The following ST6GALNAC3 variants were observed in gnomAD, a reference collection of about 807,000 sequenced individuals.
ST6GALNAC3 encodes ST6 N-acetylgalactosaminide alpha-2,6-sialyltransferase 3, also known as alpha-N-acetylgalactosaminide alpha-2,6-sialyltransferase 3.
In ST6GALNAC3, 25 loss-of-function variants were observed where a neutral mutation model predicts 32.7. The observed-to-expected ratio is 0.76, with a 90% CI of 0.56 to 1.07. The LOEUF is 1.07. ST6GALNAC3 is among the 50% of genes least tolerant of loss of function. The pLI is 0.00. For missense variants in ST6GALNAC3, 355 were observed against 382.4 expected (o/e 0.93, Z 0.60); for synonymous variants, 129 against 133.1 (o/e 0.97, Z 0.21).
At chr1:76,406,153 C>G (rs1653818920) in intron 2 of ST6GALNAC3, among the ~76,000 whole-genome samples, 1 of 152,018 alleles carries the variant, frequency 6.6e-6, no homozygotes, top group South Asian at 2.1e-4. Context: ...TGTCCTGGAT[C>G]CTCATAGAAG....
intron 3 of ST6GALNAC3, among the ~76,000 whole-genome samples, chr1:76,507,098 G>T (rs1433818941): frequency 1.3e-5 from 2 of 152,130 alleles, no homozygotes; most frequent in African/African-American, 4.8e-5. Context: ...TCGCTCAGGA[G>T]CTGCTGCTAG....
chr1:76,349,898 T>A (rs572362309), intron 2 of ST6GALNAC3, among the ~76,000 whole-genome samples: 2 of 152,292 alleles, frequency 1.3e-5, no homozygotes, highest in South Asian at 4.1e-4. Context: ...GGGTATTTGC[T>A]CCCCTATGCT....
At chr1:76,273,905 A>G (rs537965078) in intron 1 of ST6GALNAC3, among the ~76,000 whole-genome samples, 1 of 152,206 alleles carries the variant, frequency 6.6e-6, no homozygotes, top group African/African-American at 2.4e-5. Context: ...GCTTTATGGG[A>G]GTCTATTGTT....
intron 3 of ST6GALNAC3, among the ~76,000 whole-genome samples, chr1:76,604,010 TA>T (rs1647368589): frequency 2.0e-5 from 3 of 152,198 alleles, no homozygotes; most frequent in African/African-American, 7.2e-5. Context: ...ACATTTAGTT[TA>T]AATATATAAA....
At chr1:76,416,068 C>CACAT (rs1553194047) in intron 3 of ST6GALNAC3, among the ~76,000 whole-genome samples, 1 of 150,376 alleles carries the variant, frequency 6.6e-6, no homozygotes, top group Non-Finnish European at 1.5e-5. Context: ...CACACACACA[C>CACAT]ACACACATAA....
At chr1:76,338,100 G>A (rs1259332131) in intron 2 of ST6GALNAC3, among the ~76,000 whole-genome samples, 2 of 152,170 alleles carry the variant, frequency 1.3e-5, no homozygotes, top group African/African-American at 4.8e-5. Context: ...GCAGCATACT[G>A]AAAATGATGT....
At chr1:76,552,250 G>T (rs1265894828) in intron 3 of ST6GALNAC3, among the ~76,000 whole-genome samples, 8 of 152,124 alleles carry the variant, frequency 5.3e-5, no homozygotes, top group Admixed American at 2.0e-4. Flanking sequence ...TCACGGCTAG[G>T]ATTGCTGGAG....
At chr1:76,195,939 T>C (rs1321109492) in intron 1 of ST6GALNAC3, among the ~76,000 whole-genome samples, 1 of 152,214 alleles carries the variant, frequency 6.6e-6, no homozygotes, top group East Asian at 1.9e-4. Context: ...GAAAGGTTTT[T>C]GCAAGGAGTC....
At chr1:76,128,197 G>T (rs1306858575) in intron 1 of ST6GALNAC3, among the ~76,000 whole-genome samples, 1 of 152,102 alleles carries the variant, frequency 6.6e-6, no homozygotes, top group Non-Finnish European at 1.5e-5. Context: ...TTGGAACAAT[G>T]CTTTATTCAC....
intron 3 of ST6GALNAC3, among the ~76,000 whole-genome samples, chr1:76,496,887 C>T (rs1449892819): frequency 6.6e-6 from 1 of 152,128 alleles, no homozygotes; most frequent in Non-Finnish European, 1.5e-5. Context: ...AAGTCACTGC[C>T]CTCTAAGGCT....
chr1:76,431,777 T>TC (rs35738454), intron 3 of ST6GALNAC3, among the ~76,000 whole-genome samples: 7 of 151,938 alleles, frequency 4.6e-5, no homozygotes, highest in Non-Finnish European at 8.8e-5. Context: ...ATTATTAACA[T>TC]CCCCCCCGCC....
chr1:76,092,195 C>G (rs1221393823), intron 1 of ST6GALNAC3, among the ~76,000 whole-genome samples: 1 of 152,130 alleles, frequency 6.6e-6, no homozygotes, highest in Non-Finnish European at 1.5e-5. Flanking sequence ...ATCATCTTGT[C>G]TGAAAGCCCA....
chr1:76,576,720 G>A (rs315029), intron 3 of ST6GALNAC3: 177,299 of 705,032 alleles, frequency 0.25, 23,284 homozygotes, highest in African/African-American at 0.39. Flanking sequence ...GAAAAGCTCT[G>A]GGGAGCCTGA....
At chr1:76,174,738 C>T (rs896012751) in intron 1 of ST6GALNAC3, among the ~76,000 whole-genome samples, 6 of 150,750 alleles carry the variant, frequency 4.0e-5, no homozygotes, top group Non-Finnish European at 8.8e-5. Flanking sequence ...GCAGTCTCAG[C>T]TCACTGCAAC....
At chr1:76,372,687 T>G (rs1650923417) in intron 2 of ST6GALNAC3, among the ~76,000 whole-genome samples, 1 of 152,206 alleles carries the variant, frequency 6.6e-6, no homozygotes, top group Admixed American at 6.5e-5. Flanking sequence ...CACTGAAGGC[T>G]AGCATTCATT....
chr1:76,541,152 T>C (rs1181682061), intron 3 of ST6GALNAC3, among the ~76,000 whole-genome samples: 1 of 152,126 alleles, frequency 6.6e-6, no homozygotes, highest in Non-Finnish European at 1.5e-5. Flanking sequence ...GCTTAAAATA[T>C]TGAGCAGAGA....
rs180974885 is a variant in ST6GALNAC3, at chr1:76,373,499, C to T, written c.214-38509C>T. 1.1e-4 allele frequency among the ~76,000 whole-genome samples: 16 copies of T among 152,276 alleles called. No individual in the cohort carries two copies. In the East Asian group the frequency reaches 3.1e-3, roughly 29 times the overall value. ...AGAAGATTCCCAAGGACAGAAGCTT[C>T]GTCTTCTACACCTTGAAGGGTAGTG... On this transcript the variant is annotated intron_variant, in intron 2 of 4. Coordinates refer to ENST00000328299, the MANE Select transcript of ST6GALNAC3 (RefSeq NM_152996.4).
intron 2 of ST6GALNAC3, among the ~76,000 whole-genome samples, chr1:76,378,101 C>A (rs137980724): frequency 2.6e-5 from 4 of 152,084 alleles, no homozygotes; most frequent in African/African-American, 9.7e-5. Flanking sequence ...TTGTCCCTAC[C>A]TTAGACTGAT....
rs546156899 is a variant in ST6GALNAC3, at chr1:76,511,819, G to A, written c.623+99402G>A. The stretch of plus-strand genomic sequence containing the variant: ...AAATGAATATCAAAATCAATATGCC[G>A]TTCAGTTTAGGGATATGAATAAATG... On this transcript the variant is annotated intron_variant, in intron 3 of 4. Coordinates refer to ENST00000328299, the MANE Select transcript of ST6GALNAC3 (RefSeq NM_152996.4). Among the ~76,000 whole-genome samples, 7 of 152,276 alleles carry A rather than the reference G, an allele frequency of 4.6e-5. No individual in the cohort carries two copies. The South Asian group carries it at 6.2e-4, about 14-fold the overall frequency.
Sources: allele counts gnomAD v4.1 joint callset (sites outside exome capture counted in the v4.1 genomes callset), GRCh38; gene constraint gnomAD v4.1.1; transcripts MANE v1.5; gene names NCBI Gene and HGNC (gene_info 2026-07-23, HGNC 2026-07-21).